FGD4: variants seen among roughly 807,000 people sequenced by gnomAD.
FGD4 encodes the protein FYVE, RhoGEF and PH domain-containing protein 4.
A neutral mutation model predicts 102.0 loss-of-function variants in FGD4; 42 were observed. The ratio of observed to expected loss-of-function variants is 0.41; its 90% CI spans 0.32 to 0.53. The LOEUF (loss-of-function observed/expected upper bound fraction) is 0.53, where lower values mean the gene tolerates loss of function less well. FGD4 is among the 20% of genes least tolerant of loss of function. FGD4 has a pLI of 0.21. For missense variants in FGD4, 902 were observed against 1,078.2 expected, an observed-to-expected ratio of 0.84 and a Z score of 2.29; for synonymous variants, 380 against 375.7, an observed-to-expected ratio of 1.01 and a Z score of -0.13.
chr12:32,406,293 T>C (rs111525125), intron 1 of FGD4, among the ~76,000 whole-genome samples: 9,468 of 151,888 alleles, frequency 0.062, 418 homozygotes, highest in Middle Eastern at 0.14. Context: ...GTGGCTCATG[T>C]GTGTAATTCC....
chr12:32,562,600 G>C (rs1944708505), intron 1 of FGD4, among the ~76,000 whole-genome samples: 1 of 152,132 alleles, frequency 6.6e-6, no homozygotes, highest in Non-Finnish European at 1.5e-5. Context: ...TGAGATTAGG[G>C]AGTGGTGATG....
chr12:32,444,021 C>CTTTTTTTTTTTT (rs67353121), intron 1 of FGD4, among the ~76,000 whole-genome samples: 1 of 119,120 alleles, frequency 8.4e-6, no homozygotes, highest in Non-Finnish European at 1.9e-5. Flanking sequence ...ACTTTGTTTT[C>CTTTTTTTTTTTT]TTTTTTTTTT....
intron 1 of FGD4, among the ~76,000 whole-genome samples, chr12:32,435,143 A>G (rs558665307): frequency 6.1e-4 from 93 of 152,192 alleles, no homozygotes; most frequent in Non-Finnish European, 1.1e-3. Context: ...GAGTTTCTCC[A>G]TGTTTGTCAG....
intron 2 of FGD4, among the ~76,000 whole-genome samples, chr12:32,567,509 G>A (rs1945289014): frequency 6.6e-6 from 1 of 151,900 alleles, no homozygotes; most frequent in Non-Finnish European, 1.5e-5. Context: ...TGCAGGGTAG[G>A]GCTGTTGCTC....
intron 1 of FGD4, among the ~76,000 whole-genome samples, chr12:32,493,208 A>G (rs1944172559): frequency 6.6e-6 from 1 of 152,212 alleles, no homozygotes; most frequent in Non-Finnish European, 1.5e-5. Flanking sequence ...GGAGATACAG[A>G]AAAAAGGGTT....
chr12:32,417,520 C>A (rs903953645), intron 1 of FGD4, among the ~76,000 whole-genome samples: 2 of 151,840 alleles, frequency 1.3e-5, no homozygotes, highest in Non-Finnish European at 2.9e-5. Context: ...TACAATGGTG[C>A]GATCTTGGCT....
chr12:32,411,449 G>A (rs947250186), intron 1 of FGD4, among the ~76,000 whole-genome samples: 1 of 151,250 alleles, frequency 6.6e-6, no homozygotes, highest in Non-Finnish European at 1.5e-5. Context: ...CAGGAGAATT[G>A]CTTGAACCCG....
At chr12:32,510,048 C>G (rs1939197756) in intron 1 of FGD4, among the ~76,000 whole-genome samples, 1 of 152,172 alleles carries the variant, frequency 6.6e-6, no homozygotes, top group South Asian at 2.1e-4. Flanking sequence ...GTCACTTGAC[C>G]TGTAATAAGC....
At chr12:32,636,739 A>G (rs67940080) in intron 15 of FGD4, among the ~76,000 whole-genome samples, 66,403 of 151,968 alleles carry the variant, frequency 0.44, 14,904 homozygotes, top group Middle Eastern at 0.62. Flanking sequence ...GACCAACATG[A>G]ATAACACTGA....
At chr12:32,440,971 T>A (rs868524315) in intron 1 of FGD4, among the ~76,000 whole-genome samples, 1 of 152,302 alleles carries the variant, frequency 6.6e-6, no homozygotes, top group Middle Eastern at 3.4e-3. Context: ...CTACTGATGT[T>A]CCTTTAAGGC....
chr12:32,624,947 G>C, intron 12 of FGD4, 29 bp from the exon 13 acceptor site: 1 of 1,571,816 alleles, frequency 6.4e-7, no homozygotes, highest in Non-Finnish European at 8.8e-7. Context: ...AAACTTTAAT[G>C]TGTGCTTTGA....
intron 7 of FGD4, among the ~76,000 whole-genome samples, chr12:32,603,024 T>C (rs1948526375): frequency 6.6e-6 from 1 of 152,246 alleles, no homozygotes; most frequent in African/African-American, 2.4e-5. Context: ...CACAATGTAC[T>C]TCAGATTATA....
rs763887179 is a variant in FGD4 at position 32,582,062 on chromosome 12, ACTC to A, written c.610_612del (p.Leu204del). The A allele has an allele frequency of 5.0e-6, 8 of 1,613,808 alleles. No individual in the cohort carries two copies. The South Asian group carries it at 6.6e-5, about 13-fold the overall frequency. The stretch of plus-strand genomic sequence containing the variant: ...GATTGACAACCACACCTCAACAAAA[ACTC>A]CTCTCCCAGCACTTGCCACAGAGGC... On this transcript the variant is annotated inframe_deletion, in exon 4 of 17. Coordinates refer to ENST00000534526, the MANE Select transcript of FGD4 (RefSeq NM_001370298.3).
At chr12:32,590,780 T>C (rs1565879618) in intron 4 of FGD4, among the ~76,000 whole-genome samples, 1 of 152,226 alleles carries the variant, frequency 6.6e-6, no homozygotes, top group Non-Finnish European at 1.5e-5. Context: ...GTAGTAAGTA[T>C]TCATTAAATA....
intron 1 of FGD4, among the ~76,000 whole-genome samples, chr12:32,538,654 G>A (rs576660732): frequency 5.9e-5 from 9 of 152,184 alleles, no homozygotes; most frequent in East Asian, 1.9e-4. Flanking sequence ...GGGCTGTGTC[G>A]TAAGACAGAA....
At chr12:32,499,845 G>T (rs1432645656) in intron 1 of FGD4, among the ~76,000 whole-genome samples, 1 of 152,112 alleles carries the variant, frequency 6.6e-6, no homozygotes, top group Non-Finnish European at 1.5e-5. Flanking sequence ...GCGAAACTCC[G>T]TCTGTACTAA....
chr12:32,519,253 A>T (rs1044535258), intron 1 of FGD4, among the ~76,000 whole-genome samples: 5 of 152,162 alleles, frequency 3.3e-5, no homozygotes, highest in African/African-American at 1.2e-4. Context: ...ATATTTGGAA[A>T]ACACAGTCTG....
chr12:32,640,703 C>A lies in FGD4; in HGVS notation c.*170C>A. On this transcript the variant is annotated 3_prime_UTR_variant, in exon 17 of 17. Transcript: ENST00000534526. ...ATGTACTCTTAGTGAAATTAGTGTG[C>A]AGAGTCATTCTACCGATAAAGTTTT... is the stretch of plus-strand genomic sequence containing the variant. 1 of 893,706 alleles carries A rather than the reference C, an allele frequency of 1.1e-6. No homozygotes were observed. Among genetic ancestry groups the A allele is most frequent in the Non-Finnish European group, 1.7e-6 (1 of 592,352 alleles). 55.4% of individuals were successfully genotyped at this position (893,706 alleles called of 1,614,324 possible).
chr12:32,491,615 C>T (rs916580400), intron 1 of FGD4, among the ~76,000 whole-genome samples: 1 of 152,070 alleles, frequency 6.6e-6, no homozygotes, highest in African/African-American at 2.4e-5. Context: ...GGTTTCATTT[C>T]TTATGTTTGT....
Sources: gnomAD v4.1 joint callset for allele counts (sites outside exome capture counted in the v4.1 genomes callset) on GRCh38, gnomAD v4.1.1 for gene constraint, MANE v1.5 for transcripts, NCBI Gene and HGNC (gene_info 2026-07-23, HGNC 2026-07-21) for gene names.